The following VPS35L variants were observed in gnomAD, a reference collection of about 807,000 sequenced individuals.
VPS35L encodes the protein VPS35 endosomal protein sorting factor like, also known as VPS35 endosomal protein-sorting factor-like.
VPS35L carries 83 observed loss-of-function variants against 133.0 expected under a neutral mutation model. The ratio of observed to expected loss-of-function variants is 0.62; its 90% CI spans 0.52 to 0.75. The LOEUF is 0.75. Ranked by LOEUF, VPS35L falls within the 30% of genes least tolerant of loss-of-function variation. The probability of loss-of-function intolerance (pLI) is 0.00; values close to 1 mark genes in which losing one functional copy is unlikely to be tolerated. For missense variants in VPS35L, 1,083 were observed against 1,206.8 expected (o/e 0.90, Z 1.52); for synonymous variants, 423 against 449.9 (o/e 0.94, Z 0.76).
At chr16:19,689,516 C>T (rs973153709) in intron 28 of VPS35L, among the ~76,000 whole-genome samples, 1 of 152,104 alleles carries the variant, frequency 6.6e-6, no homozygotes, top group South Asian at 2.1e-4. Flanking sequence ...AAGTGATCCA[C>T]CCACCTCAGC....
intron 21 of VPS35L, 24 bp from the exon 22 acceptor site, chr16:19,642,371 AC>A: frequency 2.5e-6 from 4 of 1,604,884 alleles, no homozygotes; most frequent in Non-Finnish European, 3.4e-6. Context: ...CAAAACTTTG[AC>A]TTTTATCTTT....
chr16:19,613,322 C>T (rs1382764971), intron 12 of VPS35L, among the ~76,000 whole-genome samples: 1 of 151,918 alleles, frequency 6.6e-6, no homozygotes, highest in Non-Finnish European at 1.5e-5. Context: ...CAAAAAGAGA[C>T]AGCCTGTGTA....
intron 1 of VPS35L, 55 bp downstream of exon 1, chr16:19,555,801 G>C (rs768028926): frequency 1.6e-5 from 25 of 1,524,996 alleles, no homozygotes; most frequent in Non-Finnish European, 2.2e-5. Context: ...ACTTGTGATG[G>C]GGTCGGCCTG....
chr16:19,671,432 G>A (rs982679015), intron 27 of VPS35L, among the ~76,000 whole-genome samples: 2 of 148,596 alleles, frequency 1.3e-5, no homozygotes, highest in Non-Finnish European at 1.5e-5. Context: ...TTGCACCACC[G>A]CACTCCAGCC....
chr16:19,698,227 G>A (rs896463020), intron 29 of VPS35L, among the ~76,000 whole-genome samples: 1 of 152,176 alleles, frequency 6.6e-6, no homozygotes, highest in East Asian at 1.9e-4. Flanking sequence ...CTGAGATCCT[G>A]TGTCTGTTGG....
chr16:19,561,232 G>T (rs1971019657), intron 1 of VPS35L, among the ~76,000 whole-genome samples: 1 of 152,152 alleles, frequency 6.6e-6, no homozygotes, highest in Non-Finnish European at 1.5e-5. Context: ...TTAGCCGGGT[G>T]TGGTGGCGGG....
chr16:19,625,425 T>G (rs1973230865), intron 14 of VPS35L, among the ~76,000 whole-genome samples: 1 of 152,118 alleles, frequency 6.6e-6, no homozygotes, highest in African/African-American at 2.4e-5. Context: ...GGGAAGAATG[T>G]GGGGTTACAG....
intron 7 of VPS35L, among the ~76,000 whole-genome samples, chr16:19,588,033 C>G (rs903607113): frequency 6.6e-6 from 1 of 151,214 alleles, no homozygotes; most frequent in African/African-American, 2.4e-5. Flanking sequence ...CTCCTGACCT[C>G]GAGTGATCCA....
chr16:19,593,644 T>G (rs2151530215), intron 8 of VPS35L, among the ~76,000 whole-genome samples: 1 of 151,128 alleles, frequency 6.6e-6, no homozygotes, highest in Non-Finnish European at 1.5e-5. Flanking sequence ...CCGGGCATGG[T>G]GGCTCATCAC....
intron 26 of VPS35L, 64 bp downstream of exon 26, chr16:19,652,154 G>A (rs1186617519): frequency 2.8e-6 from 3 of 1,087,104 alleles, no homozygotes; most frequent in South Asian, 1.3e-5. Context: ...ACTCAGGTGT[G>A]TGCGTATGTG....
chr16:19,558,112 A>G (rs906787840), intron 1 of VPS35L, among the ~76,000 whole-genome samples: 1 of 152,194 alleles, frequency 6.6e-6, no homozygotes, highest in African/African-American at 2.4e-5. Context: ...CCATCTTTGT[A>G]TGTGGAGCCT....
intron 4 of VPS35L, among the ~76,000 whole-genome samples, chr16:19,574,542 G>C (rs1971476125): frequency 6.6e-6 from 1 of 152,116 alleles, no homozygotes; most frequent in African/African-American, 2.4e-5. Flanking sequence ...TTTCCTCCCA[G>C]GGTGTGTACT....
rs1010910047 is a variant in VPS35L at position 19,639,588 on chromosome 16, A to C, written c.1699-427A>C. 6.6e-6 allele frequency among the ~76,000 whole-genome samples: 1 copy of C among 152,136 alleles called. No homozygotes were observed. The highest frequency in any genetic ancestry group is 2.4e-5 in the African/African-American group (1 of 41,424). ...TGTCACCCAGGCTAGAGTGCAGTGG[A>C]GTGATCTCGGTTCACTGCAACTTCC... On this transcript the variant is annotated intron_variant, in intron 20 of 30. Coordinates refer to ENST00000417362, the MANE Select transcript of VPS35L (RefSeq NM_020314.7). The surrounding 1 kb of genome is among the most constrained non-coding windows in gnomAD (Gnocchi z 4.1).
rs1253547853 is a variant in VPS35L at position 19,682,408 on chromosome 16, A to G, written c.2527+18A>G. ...AGACAAAGGTAGCAGAGCCTCCCCC[A>G]CCAAACCATGCTCCGCATGGATTTC... On this transcript the variant is annotated intron_variant, in intron 28 of 30. Coordinates refer to ENST00000417362, the MANE Select transcript of VPS35L (RefSeq NM_020314.7). 3.7e-6 allele frequency: 6 copies of G among 1,610,150 alleles called. No individual in the cohort carries two copies. The highest frequency in any genetic ancestry group is 5.1e-6 in the Non-Finnish European group (6 of 1,177,300).
chr16:19,627,136 A>G (rs767029556), intron 15 of VPS35L, among the ~76,000 whole-genome samples: 42 of 152,056 alleles, frequency 2.8e-4, no homozygotes, highest in Non-Finnish European at 5.6e-4. Flanking sequence ...ACATAAAATT[A>G]GCCGAGCATG....
intron 27 of VPS35L, among the ~76,000 whole-genome samples, chr16:19,669,926 C>A (rs1026987860): frequency 2.0e-5 from 3 of 152,140 alleles, no homozygotes; most frequent in African/African-American, 7.2e-5. Flanking sequence ...CTGCCTTGGC[C>A]TCCCAGAGTG....
At chr16:19,558,263 G>A (rs1295103687) in intron 1 of VPS35L, among the ~76,000 whole-genome samples, 1 of 152,212 alleles carries the variant, frequency 6.6e-6, no homozygotes, top group Non-Finnish European at 1.5e-5. Flanking sequence ...CGTAAAGTGC[G>A]TAACATGTAA....
At chr16:19,671,936 C>G (rs867051313) in intron 27 of VPS35L, among the ~76,000 whole-genome samples, 1 of 152,176 alleles carries the variant, frequency 6.6e-6, no homozygotes, top group East Asian at 1.9e-4. Flanking sequence ...CTCCCAGAGT[C>G]TCACTCAGTA....
intron 14 of VPS35L, among the ~76,000 whole-genome samples, chr16:19,618,752 A>G (rs894944660): frequency 5.9e-5 from 9 of 152,138 alleles, no homozygotes; most frequent in African/African-American, 2.2e-4. Flanking sequence ...GTCCGTTGCA[A>G]GAATCAAAGA....
Sources: gnomAD v4.1 joint callset for allele counts (sites outside exome capture counted in the v4.1 genomes callset) on GRCh38, gnomAD v4.1.1 for gene constraint, Gnocchi (gnomAD v3.1) non-coding constraint, MANE v1.5 for transcripts, NCBI Gene and HGNC (gene_info 2026-07-23, HGNC 2026-07-21) for gene names.